DCDC1: variants seen among roughly 807,000 people sequenced by gnomAD.
The protein encoded by DCDC1 is doublecortin domain-containing protein 1.
A neutral mutation model predicts 178.3 loss-of-function variants in DCDC1; 200 were observed. That is an observed-to-expected ratio of 1.12 (90% CI 1.00 to 1.26). The LOEUF is 1.26. Among genes scored for constraint, DCDC1 ranks in the 50% most tolerant of loss-of-function variants. The probability of loss-of-function intolerance (pLI) is 0.00; values close to 1 mark genes in which losing one functional copy is unlikely to be tolerated. For synonymous variants in DCDC1, 690 were observed against 604.8 expected, an observed-to-expected ratio of 1.14 and a Z score of -2.07; for missense variants, 1,983 against 1,749.2, an observed-to-expected ratio of 1.13 and a Z score of -2.38.
chr11:31,346,757 G>A (rs989831731), intron 1 of DCDC1, among the ~76,000 whole-genome samples: 1 of 152,156 alleles, frequency 6.6e-6, no homozygotes, highest in Non-Finnish European at 1.5e-5. Context: ...TACTTCAATA[G>A]AAAAGAGTAA....
chr11:31,290,693 C>T lies in DCDC1; in HGVS notation c.914G>A (p.Gly305Glu), dbSNP rs1947163427. The part of the protein sequence containing the change: ...VRILFFKNGM[G>E]QDGHEITVGK... The stretch of plus-strand genomic sequence containing the variant: ...CACTGTAATCTCATGCCCATCCTGC[C>T]CCATGCCATTCTTAAAGAACAGAAT... Residue 305 changes from glycine to glutamate, a missense_variant, in exon 7 of 39, where the codon GGG becomes GAG. Coordinates refer to ENST00000684477, the MANE Select transcript of DCDC1 (RefSeq NM_001387274.1). 5 of 1,613,094 alleles carry T rather than the reference C, an allele frequency of 3.1e-6. No individual in the cohort carries two copies. The highest frequency in any genetic ancestry group is 1.7e-5 in the Admixed American group (1 of 59,942).
chr11:30,939,328 A>G (rs1056599429), intron 21 of DCDC1, among the ~76,000 whole-genome samples: 2 of 152,162 alleles, frequency 1.3e-5, no homozygotes, highest in African/African-American at 2.4e-5. Context: ...GTCCCACTCT[A>G]TGCAGGCACA....
chr11:31,135,757 TAAG>T (rs1335454320), intron 10 of DCDC1, among the ~76,000 whole-genome samples: 4 of 152,228 alleles, frequency 2.6e-5, no homozygotes, highest in South Asian at 2.1e-4. Flanking sequence ...AGGCATTGTG[TAAG>T]AAGAACACTG....
intron 9 of DCDC1, among the ~76,000 whole-genome samples, chr11:31,240,286 A>G (rs1012270228): frequency 2.0e-5 from 3 of 152,014 alleles, no homozygotes; most frequent in African/African-American, 7.2e-5. Flanking sequence ...AATAAAGAAC[A>G]TTCGTTTGGA....
chr11:30,984,632 G>A (rs912464329), intron 20 of DCDC1, among the ~76,000 whole-genome samples: 3 of 152,162 alleles, frequency 2.0e-5, no homozygotes, highest in Non-Finnish European at 2.9e-5. Context: ...TGGGCGTAAC[G>A]TGACGTTCAA....
At position 31,365,360 on chromosome 11, in the gene DCDC1, T is replaced by C. The variant is rs143411093; in HGVS notation, c.-125+4337A>G. Among the ~76,000 whole-genome samples, 591 of 152,254 alleles carry C rather than the reference T, an allele frequency of 3.9e-3. 4 individuals carry two copies. The highest frequency in any genetic ancestry group is 0.013 in the African/African-American group (549 of 41,560). On this transcript the variant is annotated intron_variant, in intron 1 of 38. Transcript: ENST00000684477. ...TTTGGAACATAACCATCATATCCCA[T>C]GGTACTTAAATACAGCTTAGTTCAC...
chr11:30,914,644 A>C (rs1945698876), intron 27 of DCDC1, among the ~76,000 whole-genome samples: 3 of 151,410 alleles, frequency 2.0e-5, no homozygotes, highest in Admixed American at 1.3e-4. Flanking sequence ...AAAAAAAAAA[A>C]AAAAAAAAAG....
rs777709051 is a variant in DCDC1 at position 30,892,977 on chromosome 11, T to C, written c.4923A>G (p.Gln1641=). The C allele has an allele frequency of 3.1e-6, 5 of 1,613,776 alleles. No individual in the cohort carries two copies. The African/African-American group carries it at 6.7e-5, about 22-fold the overall frequency. ...RHTEAHLSEI[Q]EMESKINFPI... is the part of the protein sequence containing the mutation. The stretch of plus-strand genomic sequence containing the variant: ...GAAAATTTATTTTGGATTCCATTTC[T>C]TGGATTTCAGAAAGGTGTGCCTGTC... Residue 1641 remains glutamine (Q), a synonymous_variant, in exon 36 of 39, where the codon CAA becomes CAG. Transcript: ENST00000684477.
At chr11:31,055,623 T>C (rs1041508584) in intron 20 of DCDC1, among the ~76,000 whole-genome samples, 2 of 152,162 alleles carry the variant, frequency 1.3e-5, no homozygotes, top group Admixed American at 6.5e-5. Context: ...AATTAACAAA[T>C]GGATAAAGAA....
intron 29 of DCDC1, among the ~76,000 whole-genome samples, chr11:30,908,431 AT>A (rs1320666675): frequency 6.6e-6 from 1 of 152,080 alleles, no homozygotes; most frequent in Non-Finnish European, 1.5e-5. Flanking sequence ...CCAACAAACC[AT>A]AAAAAAAAAA....
chr11:31,341,416 T>TAGAC (rs1950537280), intron 1 of DCDC1, among the ~76,000 whole-genome samples: 2 of 148,762 alleles, frequency 1.3e-5, no homozygotes, highest in African/African-American at 2.5e-5. Flanking sequence ...GATAGATAGA[T>TAGAC]AGATAGATAG....
Position 30,900,492 on chromosome 11 carries a change from G to C in DCDC1, c.4517C>G (p.Pro1506Arg), listed in dbSNP as rs1377787177. 1 of 1,524,570 alleles carries C rather than the reference G, an allele frequency of 6.6e-7. No homozygotes were observed. The highest frequency in any genetic ancestry group is 8.8e-7 in the Non-Finnish European group (1 of 1,132,216). 94.4% of individuals were successfully genotyped at this position (1,524,570 alleles called of 1,614,324 possible). A position where few individuals can be genotyped will look rare whatever the true frequency, so the allele number is the denominator to read the frequency against. Residue 1506 changes from proline (P) to arginine (R), a missense_variant, in exon 33 of 39, where the codon CCA (proline) becomes CGA (arginine). By Grantham distance (103) the Pro-to-Arg change is moderately radical. Coordinates refer to ENST00000684477, the MANE Select transcript of DCDC1 (RefSeq NM_001387274.1). ...QIIVESMEENPRMKVKNRLFA... is the reference protein window; with the variant it reads ...QIIVESMEENRRMKVKNRLFA... ...TAATCTGTTTTTCACTTTCATTCTT[G>C]GATTTTCTGGTGGAAAAAATGACAC... is the stretch of plus-strand genomic sequence containing the variant.
At chr11:31,187,314 T>C (rs1969621965) in intron 9 of DCDC1, among the ~76,000 whole-genome samples, 1 of 152,176 alleles carries the variant, frequency 6.6e-6, no homozygotes, top group African/African-American at 2.4e-5. Context: ...ACTAACTCTA[T>C]CTTGTTGACT....
chr11:30,895,051 A>C (rs1238673255), intron 34 of DCDC1, among the ~76,000 whole-genome samples: 1 of 152,206 alleles, frequency 6.6e-6, no homozygotes, highest in African/African-American at 2.4e-5. Context: ...GTTATAAAAG[A>C]GGTTTAAAAA....
intron 20 of DCDC1, among the ~76,000 whole-genome samples, chr11:30,968,700 T>TAC (rs1949590728): frequency 1.6e-5 from 2 of 125,636 alleles, no homozygotes; most frequent in African/African-American, 6.7e-5. Context: ...TCAAATTATA[T>TAC]ATATATCAAA....
At position 31,102,198 on chromosome 11, in the gene DCDC1, C is replaced by A; in HGVS notation, c.1962G>T (p.Glu654Asp). The change falls in exon 15 of 39, where the codon GAG becomes GAT. Residue 654 changes from glutamate (E) to aspartate (D), a missense_variant. By Grantham distance (45) the Glu-to-Asp change is conservative. Transcript: ENST00000684477. Reference sequence around the variant, plus strand: ...CCACCTTGTTCTGTAGAAAATGGTTCTCCAAGTCCACCTTTTCAAACTGGT... The same window carrying A: ...CCACCTTGTTCTGTAGAAAATGGTTATCCAAGTCCACCTTTTCAAACTGGT... ...IPDQFEKVDLENHFLQNKVDP... is the reference protein window; with the variant it reads ...IPDQFEKVDLDNHFLQNKVDP... 1 of 723,660 alleles carries A rather than the reference C, an allele frequency of 1.4e-6. No individual in the cohort carries two copies. Among genetic ancestry groups the A allele is most frequent in the Non-Finnish European group, 2.5e-6 (1 of 392,176 alleles). 44.8% of individuals were successfully genotyped at this position (723,660 alleles called of 1,614,324 possible). A position where few individuals can be genotyped will look rare whatever the true frequency, so the allele number is the denominator to read the frequency against.
chr11:31,296,089 TCAGCCAGC>T (rs541393565), intron 6 of DCDC1, among the ~76,000 whole-genome samples: 3 of 151,978 alleles, frequency 2.0e-5, no homozygotes, highest in Non-Finnish European at 4.4e-5. Context: ...AGTCAGTCAG[TCAGCCAGC>T]CAGCCAGCCA....
rs35693769 is a variant in DCDC1, at chr11:31,030,139, A to ATT, written c.2591+34328_2591+34329dup. Among the ~76,000 whole-genome samples the ATT allele has an allele frequency of 2.0e-4, 30 of 150,810 alleles. 1 individual carries two copies. In the South Asian group the frequency reaches 3.6e-3, roughly 18 times the overall value. ...GACCAATAAGTCATGTATACAAATC[A>ATT]TTTTTTTTTCCTGGCAATTTTGAAC... On this transcript the variant is annotated intron_variant, in intron 20 of 38. Coordinates refer to ENST00000684477, the MANE Select transcript of DCDC1 (RefSeq NM_001387274.1).
At chr11:31,122,322 G>A (rs1960930544) in intron 11 of DCDC1, among the ~76,000 whole-genome samples, 1 of 152,042 alleles carries the variant, frequency 6.6e-6, no homozygotes, top group Admixed American at 6.6e-5. Flanking sequence ...TCTTTGTGGG[G>A]TGCTATTGGT....
Sources: allele counts gnomAD v4.1 joint callset (sites outside exome capture counted in the v4.1 genomes callset), GRCh38; gene constraint gnomAD v4.1.1; transcripts MANE v1.5; gene names NCBI Gene and HGNC (gene_info 2026-07-23, HGNC 2026-07-21).